Variants in PHYHIPL observed in about 807,000 individuals in gnomAD.
The protein encoded by PHYHIPL is phytanoyl-CoA 2-hydroxylase interacting protein like, also known as phytanoyl-CoA hydroxylase-interacting protein-like.
In PHYHIPL, 9 loss-of-function variants were observed where a neutral mutation model predicts 33.4. The observed-to-expected ratio is 0.27, with a 90% confidence interval of 0.16 to 0.47. PHYHIPL has a LOEUF of 0.47. Ranked by LOEUF, PHYHIPL falls within the 20% of genes least tolerant of loss-of-function variation. The probability of loss-of-function intolerance (pLI) is 0.99; values close to 1 mark genes in which losing one functional copy is unlikely to be tolerated. For synonymous variants in PHYHIPL, 153 were observed against 154.1 expected (o/e 0.99, Z 0.05); for missense variants, 365 against 460.7 (o/e 0.79, Z 1.90).
rs571576627 is a variant in PHYHIPL, at chr10:59,245,421, G to A, written c.961G>A (p.Val321Ile). ...CTGTACAGAAGAAGATGGGGTGCTG[G>A]TTTACCACCATGCCCAGGATGTCAT... is the stretch of plus-strand genomic sequence containing the variant. ...LTCTEEDGVL[V>I]YHHAQDVILE... is the part of the protein sequence containing the mutation. Residue 321 changes from valine to isoleucine, a missense_variant, in exon 5 of 5, where the codon GTT (valine) becomes ATT (isoleucine). By Grantham distance (29) the Val-to-Ile change is conservative. Around this residue, in one of 4 missense-constraint regions of PHYHIPL, gnomAD observed 196 missense variants for 224.9 expected, o/e 0.87. Transcript: ENST00000373880. 2.5e-6 allele frequency: 4 copies of A among 1,614,110 alleles called. No homozygotes were observed. Among genetic ancestry groups the A allele is most frequent in the Non-Finnish European group, 3.4e-6 (4 of 1,180,008 alleles).
chr10:59,228,350 G>C (rs189554556), intron 1 of PHYHIPL, among the ~76,000 whole-genome samples: 1 of 152,164 alleles, frequency 6.6e-6, no homozygotes, highest in African/African-American at 2.4e-5. Context: ...TTTCCTAAAA[G>C]TTCCAACAAT....
intron 4 of PHYHIPL, among the ~76,000 whole-genome samples, chr10:59,244,726 C>G (rs1458034788): frequency 1.3e-5 from 2 of 152,106 alleles, no homozygotes; most frequent in African/African-American, 4.8e-5. Context: ...AAAGCCACTT[C>G]TGAAACCCAG....
At chr10:59,242,714 G>T (rs1771669512) in intron 4 of PHYHIPL, among the ~76,000 whole-genome samples, 1 of 151,926 alleles carries the variant, frequency 6.6e-6, no homozygotes, top group African/African-American at 2.4e-5. Context: ...AAGATACAAA[G>T]AATTAAATGA....
chr10:59,226,502 G>A (rs1172841458), intron 1 of PHYHIPL, among the ~76,000 whole-genome samples: 1 of 151,930 alleles, frequency 6.6e-6, no homozygotes, highest in East Asian at 1.9e-4. Flanking sequence ...AATGGTTGTG[G>A]TGGTGGTGGT....
chr10:59,191,887 A>T (rs1047348772), intron 1 of PHYHIPL, among the ~76,000 whole-genome samples: 1 of 142,690 alleles, frequency 7.0e-6, no homozygotes, highest in Non-Finnish European at 1.5e-5. Context: ...ATCCCAAACA[A>T]GAATAACTTT....
At chr10:59,228,357 C>A (rs891177328) in intron 1 of PHYHIPL, among the ~76,000 whole-genome samples, 4 of 152,048 alleles carry the variant, frequency 2.6e-5, no homozygotes, top group African/African-American at 9.7e-5. Context: ...AAAGTTCCAA[C>A]AATGTTCAAT....
At chr10:59,221,048 T>TAAAA in intron 1 of PHYHIPL, among the ~76,000 whole-genome samples, 1 of 152,204 alleles carries the variant, frequency 6.6e-6, no homozygotes, top group Middle Eastern at 3.4e-3. Flanking sequence ...AAGAAACCTT[T>TAAAA]TATGCCTTGA....
intron 1 of PHYHIPL, among the ~76,000 whole-genome samples, chr10:59,210,775 G>A (rs990368407): frequency 1.3e-5 from 2 of 152,118 alleles, no homozygotes; most frequent in Non-Finnish European, 2.9e-5. Context: ...TCCTTTGCAG[G>A]GACTTGAGTG....
At chr10:59,221,342 G>C (rs1001330152) in intron 1 of PHYHIPL, among the ~76,000 whole-genome samples, 1 of 151,880 alleles carries the variant, frequency 6.6e-6, no homozygotes, top group African/African-American at 2.4e-5. Flanking sequence ...CATTGCCATT[G>C]CTGTTTTGGC....
chr10:59,201,149 T>C (rs1839097474), intron 1 of PHYHIPL, among the ~76,000 whole-genome samples: 1 of 152,220 alleles, frequency 6.6e-6, no homozygotes, highest in South Asian at 2.1e-4. Flanking sequence ...ATTGTGATGT[T>C]AGGATGTCAA....
rs1490757049 is a variant in PHYHIPL at position 59,246,916 on chromosome 10, A to T, written c.*1325A>T. ...TTAATACAATATTTTATTTTAATAT[A>T]AACATCTGTCAGTTATAGACAAAGA... On this transcript the variant is annotated 3_prime_UTR_variant, in exon 5 of 5. Transcript: ENST00000373880. 1.0e-5 allele frequency: 3 copies of T among 297,506 alleles called. No homozygotes were observed. Among genetic ancestry groups the T allele is most frequent in the Non-Finnish European group, 6.1e-6 (1 of 164,218 alleles). The allele number at this position is 297,506 out of a possible 1,614,324, so 18.4% of individuals were successfully genotyped here. A position where few individuals can be genotyped will look rare whatever the true frequency, so the allele number is the denominator to read the frequency against.
intron 1 of PHYHIPL, among the ~76,000 whole-genome samples, chr10:59,193,300 A>G (rs1482514021): frequency 3.9e-5 from 6 of 152,148 alleles, no homozygotes; most frequent in Non-Finnish European, 7.4e-5. Context: ...CCTTATTTTG[A>G]CTGACAAGAG....
chr10:59,178,978 TA>T (rs988564324), intron 1 of PHYHIPL, among the ~76,000 whole-genome samples: 1 of 152,148 alleles, frequency 6.6e-6, no homozygotes, highest in Admixed American at 6.5e-5. Context: ...TTTTATTTTA[TA>T]AAATAGTATA....
intron 1 of PHYHIPL, among the ~76,000 whole-genome samples, chr10:59,222,280 A>C (rs550511561): frequency 1.3e-5 from 2 of 152,184 alleles, no homozygotes; most frequent in Non-Finnish European, 2.9e-5. Context: ...CATCTTTATT[A>C]ATGAGATTAA....
intron 1 of PHYHIPL, among the ~76,000 whole-genome samples, chr10:59,227,526 G>A (rs1295214126): frequency 6.6e-6 from 1 of 151,982 alleles, no homozygotes; most frequent in Non-Finnish European, 1.5e-5. Context: ...GTTTTGATGG[G>A]GACAAACCAT....
chr10:59,175,870 G>C (rs537200065), upstream of PHYHIPL, among the ~76,000 whole-genome samples: 6 of 152,220 alleles, frequency 3.9e-5, no homozygotes, highest in Non-Finnish European at 7.3e-5. Flanking sequence ...CTACGCGCAT[G>C]AATGAATGAA....
At chr10:59,227,195 ACTT>A (rs1240697049) in intron 1 of PHYHIPL, among the ~76,000 whole-genome samples, 2 of 152,140 alleles carry the variant, frequency 1.3e-5, no homozygotes, top group Non-Finnish European at 2.9e-5. Flanking sequence ...AAAGAAATTT[ACTT>A]CTTGTAGTTC....
intron 1 of PHYHIPL, among the ~76,000 whole-genome samples, chr10:59,223,498 A>T (rs2436576): frequency 0.95 from 145,357 of 152,224 alleles, 69,672 homozygotes; most frequent in Middle Eastern, 1. Flanking sequence ...AGTTCCTAGC[A>T]TACTTTAGTT....
Position 59,245,611 on chromosome 10 carries a change from T to C in PHYHIPL, c.*20T>C. On this transcript the variant is annotated 3_prime_UTR_variant, in exon 5 of 5. Coordinates refer to ENST00000373880, the MANE Select transcript of PHYHIPL (RefSeq NM_032439.4). The stretch of plus-strand genomic sequence containing the variant: ...CGTTAATGCCCACTTTTCTTATTCT[T>C]ACTCAGCCCCTTTTCCTCCCTTAGG... 1 of 1,559,426 alleles carries C rather than the reference T, an allele frequency of 6.4e-7. No homozygotes were observed. Among genetic ancestry groups the C allele is most frequent in the Admixed American group, 1.9e-5 (1 of 51,732 alleles).
Sources: gnomAD v4.1 joint callset for allele counts (sites outside exome capture counted in the v4.1 genomes callset) on GRCh38, gnomAD v4.1.1 for gene constraint, gnomAD v4.1.1 regional missense constraint, MANE v1.5 for transcripts, NCBI Gene and HGNC (gene_info 2026-07-23, HGNC 2026-07-21) for gene names.